TCF12: variants seen among roughly 807,000 people sequenced by gnomAD.
TCF12 encodes the protein DNA-binding protein HTF4.
Under a neutral mutation model 86.0 loss-of-function variants are expected in TCF12, and 45 were observed. The ratio of observed to expected loss-of-function variants is 0.52; its 90% CI spans 0.41 to 0.67. The LOEUF (loss-of-function observed/expected upper bound fraction) is 0.67, where lower values mean the gene tolerates loss of function less well. Among genes scored for constraint, TCF12 ranks in the 30% least tolerant of loss-of-function variants. The pLI, the probability that TCF12 is intolerant of heterozygous loss-of-function variation, is 0.00. For missense variants in TCF12, 881 were observed against 859.9 expected, an observed-to-expected ratio of 1.02 and a Z score of -0.31; for synonymous variants, 330 against 299.6, an observed-to-expected ratio of 1.10 and a Z score of -1.05.
chr15:57,196,898 A>G (rs546846201), intron 7 of TCF12, among the ~76,000 whole-genome samples: 15 of 152,182 alleles, frequency 9.9e-5, no homozygotes, highest in Non-Finnish European at 1.5e-4. Context: ...TTAATAGTTT[A>G]TGTATCATAT....
chr15:56,937,189 C>T (rs1270753232), intron 3 of TCF12, among the ~76,000 whole-genome samples: 1 of 152,100 alleles, frequency 6.6e-6, no homozygotes. Flanking sequence ...TCCTTTACCT[C>T]CTTGGTTAGG....
rs1375556023 is a variant in TCF12 at position 57,287,409 on chromosome 15, A to G, written c.*1264A>G. On this transcript the variant is annotated 3_prime_UTR_variant, in exon 21 of 21. Coordinates refer to ENST00000333725, the MANE Select transcript of TCF12 (RefSeq NM_207037.2). ...AAGAATTGAGTGGGTGATTTAATCAACTGCAAACCATCTGCCCCTGTCCCA... is the reference window on the plus strand; with the variant it reads ...AAGAATTGAGTGGGTGATTTAATCAGCTGCAAACCATCTGCCCCTGTCCCA... The G allele has an allele frequency of 2.0e-5, 3 of 152,746 alleles. No individual in the cohort carries two copies. Among genetic ancestry groups the G allele is most frequent in the Non-Finnish European group, 4.4e-5 (3 of 68,120 alleles). 9.5% of individuals were successfully genotyped at this position (152,746 alleles called of 1,614,324 possible).
At chr15:56,948,121 C>G (rs2061092581) in intron 3 of TCF12, among the ~76,000 whole-genome samples, 1 of 146,702 alleles carries the variant, frequency 6.8e-6, no homozygotes, top group Non-Finnish European at 1.5e-5. Flanking sequence ...ACAAAAATAC[C>G]TTTTTTTTTT....
intron 5 of TCF12, among the ~76,000 whole-genome samples, chr15:57,165,235 C>T (rs372630226): frequency 9.0e-4 from 135 of 149,764 alleles, no homozygotes; most frequent in Non-Finnish European, 8.7e-4. Flanking sequence ...ACTATCTTTC[C>T]GTAGGGAAAT....
At chr15:56,920,468 T>G (rs1047450042) in intron 2 of TCF12, among the ~76,000 whole-genome samples, 9 of 131,898 alleles carry the variant, frequency 6.8e-5, no homozygotes, top group African/African-American at 2.6e-4. Flanking sequence ...AGAGTACTTT[T>G]ATTTTATACA....
chr15:57,120,196 T>G (rs1178786512), intron 5 of TCF12, among the ~76,000 whole-genome samples: 1 of 152,264 alleles, frequency 6.6e-6, no homozygotes, highest in Non-Finnish European at 1.5e-5. Context: ...CATTTATGAC[T>G]TTGCCGTCCT....
At chr15:57,063,524 C>T (rs1023037003) in intron 3 of TCF12, among the ~76,000 whole-genome samples, 2 of 152,122 alleles carry the variant, frequency 1.3e-5, no homozygotes, top group African/African-American at 2.4e-5. Flanking sequence ...TATTTTGATT[C>T]TGAATTACTA....
chr15:57,267,166 T>C (rs188996430), intron 18 of TCF12, among the ~76,000 whole-genome samples: 309 of 152,378 alleles, frequency 2.0e-3, no homozygotes, highest in Non-Finnish European at 2.9e-3. Flanking sequence ...CATTGTTCTT[T>C]GTGTTGAATT....
At chr15:57,206,870 T>A (rs537286833) in intron 8 of TCF12, among the ~76,000 whole-genome samples, 3 of 144,346 alleles carry the variant, frequency 2.1e-5, no homozygotes, top group African/African-American at 7.7e-5. Flanking sequence ...ATGGGAGGAG[T>A]GTTTGAGCCT....
chr15:56,919,441 T>C (rs1486732391), intron 1 of TCF12: 1 of 152,202 alleles, frequency 6.6e-6, no homozygotes, highest in African/African-American at 2.4e-5. Flanking sequence ...CCCTGCAACT[T>C]GTCAGTTCTA....
At chr15:57,083,147 AAAAC>A (rs1230837939) in intron 4 of TCF12, among the ~76,000 whole-genome samples, 1 of 152,216 alleles carries the variant, frequency 6.6e-6, no homozygotes. Flanking sequence ...AAAATGATAA[AAAAC>A]AAATTTAGGA....
intron 13 of TCF12, 100 bp downstream of exon 13, chr15:57,243,650 T>G (rs904315804): frequency 5.1e-5 from 53 of 1,046,128 alleles, no homozygotes; most frequent in Non-Finnish European, 7.1e-5. Context: ...TTGTGAAAAA[T>G]CATTTAGATT....
intron 3 of TCF12, among the ~76,000 whole-genome samples, chr15:56,971,343 C>T (rs1410562994): frequency 6.6e-6 from 1 of 151,928 alleles, no homozygotes; most frequent in Admixed American, 6.6e-5. Flanking sequence ...TAGAGAATCG[C>T]TTGAACCTAA....
At chr15:57,065,128 T>G (rs1313947656) in intron 4 of TCF12, among the ~76,000 whole-genome samples, 1 of 152,220 alleles carries the variant, frequency 6.6e-6, no homozygotes, top group Non-Finnish European at 1.5e-5. Context: ...GATAGTCGTA[T>G]GGAATCCAAA....
At chr15:57,131,438 A>G (rs779072245) in intron 5 of TCF12, among the ~76,000 whole-genome samples, 8 of 152,208 alleles carry the variant, frequency 5.3e-5, no homozygotes, top group South Asian at 4.2e-4. Context: ...ACATTGTACC[A>G]TTTTTCAAAT....
At chr15:56,992,109 A>G (rs1221118576) in intron 3 of TCF12, among the ~76,000 whole-genome samples, 3 of 141,764 alleles carry the variant, frequency 2.1e-5, no homozygotes, top group African/African-American at 5.4e-5. Context: ...AGCCAAAAAG[A>G]AAAAAAAAAA....
intron 5 of TCF12, among the ~76,000 whole-genome samples, chr15:57,158,672 G>A (rs994101713): frequency 6.6e-6 from 1 of 152,178 alleles, no homozygotes; most frequent in Non-Finnish European, 1.5e-5. Context: ...ATAAAGGCTG[G>A]GTTAGAAAAG....
chr15:57,175,010 T>TA (rs1276757722), intron 6 of TCF12, among the ~76,000 whole-genome samples: 134 of 148,862 alleles, frequency 9.0e-4, no homozygotes, highest in African/African-American at 3.1e-3. Flanking sequence ...AGACATAGGT[T>TA]AAAAAAAAAA....
intron 3 of TCF12, among the ~76,000 whole-genome samples, chr15:56,964,192 A>G (rs11631228): frequency 0.39 from 59,050 of 152,086 alleles, 14,263 homozygotes; most frequent in Non-Finnish European, 0.53. Flanking sequence ...GTACCATGTA[A>G]TGTTTTAGCT....
Sources: allele counts gnomAD v4.1 joint callset (sites outside exome capture counted in the v4.1 genomes callset), GRCh38; gene constraint gnomAD v4.1.1; transcripts MANE v1.5; gene names NCBI Gene and HGNC (gene_info 2026-07-23, HGNC 2026-07-21).